Variants in MKLN1 observed in about 807,000 individuals in gnomAD.
MKLN1 encodes the protein muskelin.
Under a neutral mutation model 99.0 loss-of-function variants are expected in MKLN1, and 18 were observed. That is an observed-to-expected ratio of 0.18 (90% CI 0.13 to 0.27). The LOEUF is 0.27. MKLN1 is among the 10% of genes least tolerant of loss of function. MKLN1 has a pLI of 1.00. For synonymous variants in MKLN1, 288 were observed against 293.2 expected, an observed-to-expected ratio of 0.98 and a Z score of 0.18; for missense variants, 621 against 875.9, an observed-to-expected ratio of 0.71 and a Z score of 3.67.
At chr7:131,290,214 A>C (rs990385272) in intron 3 of MKLN1, among the ~76,000 whole-genome samples, 5 of 152,158 alleles carry the variant, frequency 3.3e-5, no homozygotes, top group Non-Finnish European at 5.9e-5. Flanking sequence ...CTGAGGCAGG[A>C]GACTCTCTTG....
intron 3 of MKLN1, among the ~76,000 whole-genome samples, chr7:131,226,557 C>G (rs1446847342): frequency 6.6e-6 from 1 of 152,162 alleles, no homozygotes; most frequent in Non-Finnish European, 1.5e-5. Context: ...TTCAGCAAAT[C>G]TTCATGGCCT....
intron 1 of MKLN1, among the ~76,000 whole-genome samples, chr7:131,111,933 C>T (rs894189869): frequency 2.0e-5 from 3 of 152,246 alleles, no homozygotes; most frequent in African/African-American, 7.2e-5. Context: ...CAAGGCTACA[C>T]TACAAATAGG....
At chr7:131,213,611 G>A (rs903377704) in intron 3 of MKLN1, among the ~76,000 whole-genome samples, 3 of 152,134 alleles carry the variant, frequency 2.0e-5, no homozygotes, top group South Asian at 2.1e-4. Context: ...TCCCTTGGTG[G>A]GGAAAATCAC....
chr7:131,383,966 C>CAGAT (rs1793927881), intron 2 of MKLN1, among the ~76,000 whole-genome samples: 1 of 152,166 alleles, frequency 6.6e-6, no homozygotes, highest in Non-Finnish European at 1.5e-5. Context: ...TAATGTTAAT[C>CAGAT]AGATCATAGC....
intron 2 of MKLN1, among the ~76,000 whole-genome samples, chr7:131,153,955 AC>A (rs1463215689): frequency 2.6e-5 from 4 of 151,446 alleles, no homozygotes; most frequent in African/African-American, 9.7e-5. Context: ...GAGCCACTGC[AC>A]CTGGCCAGAA....
chr7:131,412,811 C>T (rs539737306), intron 7 of MKLN1, among the ~76,000 whole-genome samples: 256 of 152,236 alleles, frequency 1.7e-3, no homozygotes, highest in African/African-American at 5.7e-3. Context: ...TTGTGGTCTT[C>T]ATATATTACT....
intron 3 of MKLN1, among the ~76,000 whole-genome samples, chr7:131,288,193 T>C (rs904402105): frequency 1.3e-5 from 2 of 152,118 alleles, no homozygotes; most frequent in Non-Finnish European, 2.9e-5. Context: ...GTTTGTCCAA[T>C]GGCAGGCATC....
At chr7:131,381,433 T>C (rs79780573) in intron 2 of MKLN1, among the ~76,000 whole-genome samples, 4,675 of 152,298 alleles carry the variant, frequency 0.031, 228 homozygotes, top group African/African-American at 0.11. Flanking sequence ...GCACAGATGA[T>C]CCAGAATTAA....
At chr7:131,277,764 G>A (rs181057352) in intron 3 of MKLN1, among the ~76,000 whole-genome samples, 3 of 152,192 alleles carry the variant, frequency 2.0e-5, no homozygotes, top group East Asian at 3.9e-4. Context: ...AATGTCTCTA[G>A]CATTTAAATA....
chr7:131,293,503 T>C (rs922973894), intron 3 of MKLN1, among the ~76,000 whole-genome samples: 1 of 152,208 alleles, frequency 6.6e-6, no homozygotes, highest in Non-Finnish European at 1.5e-5. Context: ...ACAACTGGAC[T>C]AGATGCTACA....
chr7:131,191,311 C>T (rs1489524588), intron 2 of MKLN1, among the ~76,000 whole-genome samples: 1 of 152,212 alleles, frequency 6.6e-6, no homozygotes, highest in African/African-American at 2.4e-5. Context: ...AAGTTGGGGG[C>T]TTCTAGAAAT....
intron 2 of MKLN1, among the ~76,000 whole-genome samples, chr7:131,160,871 A>G (rs1796037769): frequency 6.6e-6 from 1 of 151,984 alleles, no homozygotes; most frequent in South Asian, 2.1e-4. Context: ...CACATGTATT[A>G]CTTAGCTAAG....
At chr7:131,117,341 A>AT (rs1463426730) in intron 1 of MKLN1, among the ~76,000 whole-genome samples, 1 of 151,922 alleles carries the variant, frequency 6.6e-6, no homozygotes, top group East Asian at 1.9e-4. Context: ...GAGGCAGGAG[A>AT]TTTGCTTGAA....
chr7:131,201,958 T>C (rs578029707), intron 2 of MKLN1, among the ~76,000 whole-genome samples: 35 of 152,278 alleles, frequency 2.3e-4, no homozygotes, highest in African/African-American at 7.7e-4. Context: ...TGTCTAAATG[T>C]ACTTATGTAT....
chr7:131,319,601 C>G (rs1489048712), intron 3 of MKLN1, among the ~76,000 whole-genome samples: 1 of 152,136 alleles, frequency 6.6e-6, no homozygotes, highest in Non-Finnish European at 1.5e-5. Flanking sequence ...CCAGGGCACT[C>G]AGGCAAGAGA....
rs148202933 is a variant in MKLN1 at position 131,297,914 on chromosome 7, T to A, written c.-178-77510T>A. Among the ~76,000 whole-genome samples, 296 of 152,298 alleles carry A rather than the reference T, an allele frequency of 1.9e-3. 2 individuals are homozygous for A. Among genetic ancestry groups the A allele is most frequent in the African/African-American group, 6.9e-3 (286 of 41,570 alleles). ...GGAAAGCCCAGCAAGGGAAAAATAA[T>A]GTAATAGGAAATTTTCTTTCTCCTT... On this transcript the variant is annotated intron_variant, in intron 3 of 7. Coordinates refer to the MKLN1 transcript ENST00000416992.
chr7:131,411,461 C>A, intron 7 of MKLN1, 78 bp downstream of exon 7: 1 of 951,548 alleles, frequency 1.1e-6, no homozygotes, highest in Non-Finnish European at 1.7e-6. Flanking sequence ...GTTCAAGTAT[C>A]ATAGTACTAA....
chr7:131,300,284 G>A (rs929967960), intron 3 of MKLN1, among the ~76,000 whole-genome samples: 2 of 151,882 alleles, frequency 1.3e-5, no homozygotes, highest in Non-Finnish European at 2.9e-5. Context: ...TGAAGGAGAT[G>A]GCAGGCAGGA....
intron 3 of MKLN1, among the ~76,000 whole-genome samples, chr7:131,216,480 T>A (rs1230071645): frequency 6.6e-6 from 1 of 151,940 alleles, no homozygotes; most frequent in Non-Finnish European, 1.5e-5. Flanking sequence ...AACTGTGTCT[T>A]TTAATTTTTC....
Sources: allele counts gnomAD v4.1 joint callset (sites outside exome capture counted in the v4.1 genomes callset), GRCh38; gene constraint gnomAD v4.1.1; transcripts MANE v1.5; gene names NCBI Gene and HGNC (gene_info 2026-07-23, HGNC 2026-07-21).